KIF15: variants seen among roughly 807,000 people sequenced by gnomAD.
KIF15 encodes the protein kinesin family member 15.
KIF15 carries 140 observed loss-of-function variants against 190.6 expected under a neutral mutation model. The ratio of observed to expected loss-of-function variants is 0.73; its 90% CI spans 0.64 to 0.84. KIF15 has a LOEUF of 0.84. KIF15 is among the 40% of genes least tolerant of loss of function. KIF15 has a pLI of 0.00. For missense variants in KIF15, 1,372 were observed against 1,584.4 expected (o/e 0.87, Z 2.28); for synonymous variants, 528 against 551.3 (o/e 0.96, Z 0.59).
downstream of KIF15, among the ~76,000 whole-genome samples, chr3:44,857,117 T>C (rs1699197391): frequency 1.3e-5 from 2 of 152,144 alleles, no homozygotes; most frequent in Middle Eastern, 3.4e-3. Flanking sequence ...ATGGAGTGAA[T>C]GTCAGGTGGA....
intron 7 of KIF15, among the ~76,000 whole-genome samples, chr3:44,793,481 C>A (rs543676619): frequency 1.3e-5 from 2 of 152,298 alleles, no homozygotes; most frequent in Admixed American, 6.5e-5. Context: ...AAAACCAGTT[C>A]TAGATCCTAT....
chr3:44,805,925 C>T lies in KIF15; in HGVS notation c.1910C>T (p.Thr637Ile). Residue 637 changes from threonine to isoleucine, a missense_variant, in exon 16 of 35, where the codon ACA becomes ATA. Thr to Ile is a moderately conservative substitution (Grantham distance 89). Coordinates refer to ENST00000326047, the MANE Select transcript of KIF15 (RefSeq NM_020242.3). Reference sequence around the variant, plus strand: ...AATCTTGAAAACCTTTTGGAAGCAACAAAAGCCTGCAAGCGGCAAGAAGTT... The same window carrying T: ...AATCTTGAAAACCTTTTGGAAGCAATAAAAGCCTGCAAGCGGCAAGAAGTT... Reference protein sequence around the residue: ...NLNLENLLEATKACKRQEVSQ... With the variant: ...NLNLENLLEAIKACKRQEVSQ... The T allele has an allele frequency of 6.2e-7, 1 of 1,614,136 alleles. No individual in the cohort carries two copies.
At chr3:44,826,350 C>G (rs1188843207) in intron 21 of KIF15, 25 bp from the exon 22 acceptor site, 3 of 1,601,984 alleles carry the variant, frequency 1.9e-6, no homozygotes, top group Non-Finnish European at 2.6e-6. Flanking sequence ...GTAACAGTTA[C>G]TTAAAATCTA....
chr3:44,787,554 A>G (rs535013488), intron 7 of KIF15, among the ~76,000 whole-genome samples: 3 of 152,266 alleles, frequency 2.0e-5, no homozygotes, highest in African/African-American at 7.2e-5. Context: ...TAGGTTGTAC[A>G]TGTGACGTAG....
chr3:44,801,328 G>T, intron 11 of KIF15, 122 bp from the exon 12 acceptor site: 1 of 572,638 alleles, frequency 1.7e-6, no homozygotes, highest in East Asian at 3.1e-5. Context: ...CACTGTGCCC[G>T]GCCACAGTCT....
intron 7 of KIF15, among the ~76,000 whole-genome samples, chr3:44,786,989 G>A (rs1706438502): frequency 6.6e-6 from 1 of 152,066 alleles, no homozygotes; most frequent in Non-Finnish European, 1.5e-5. Flanking sequence ...CCTCTTGACA[G>A]GAATTTACAA....
chr3:44,805,312 G>A, intron 15 of KIF15, 144 bp downstream of exon 15: 2 of 769,070 alleles, frequency 2.6e-6, no homozygotes, highest in Non-Finnish European at 4.1e-6. Flanking sequence ...AAGAGAAAGA[G>A]CATGCTTCTA....
At chr3:44,812,083 TTTG>T (rs1707810276) in intron 17 of KIF15, 96 bp from the exon 18 acceptor site, 1 of 862,512 alleles carries the variant, frequency 1.2e-6, no homozygotes, top group Non-Finnish European at 1.9e-6. Flanking sequence ...TTGAATTTGT[TTTG>T]TTTTGTTTTG....
At chr3:44,763,167 A>G (rs917990892) in intron 1 of KIF15, among the ~76,000 whole-genome samples, 2 of 152,196 alleles carry the variant, frequency 1.3e-5, no homozygotes, top group Non-Finnish European at 2.9e-5. Flanking sequence ...ATTGAGGTTG[A>G]TGACTTCCCA....
chr3:44,860,259 G>A (rs1395586403), intron 6 of KIF15, among the ~76,000 whole-genome samples: 1 of 152,170 alleles, frequency 6.6e-6, no homozygotes, highest in Non-Finnish European at 1.5e-5. Context: ...CTTTCAGAGG[G>A]TATCATCTTT....
At chr3:44,791,317 A>G (rs887474645) in intron 7 of KIF15, among the ~76,000 whole-genome samples, 3 of 152,112 alleles carry the variant, frequency 2.0e-5, no homozygotes, top group African/African-American at 7.2e-5. Context: ...GTTGATCTAT[A>G]TGTTTCTTTT....
chr3:44,783,871 C>G (rs934512693), intron 5 of KIF15, among the ~76,000 whole-genome samples: 1 of 152,184 alleles, frequency 6.6e-6, no homozygotes, highest in Non-Finnish European at 1.5e-5. Context: ...TTAAATAGAT[C>G]TAGATCTTTT....
At chr3:44,812,115 C>T (rs780581021) in intron 17 of KIF15, 67 bp from the exon 18 acceptor site, 34 of 1,192,666 alleles carry the variant, frequency 2.9e-5, no homozygotes, top group Middle Eastern at 1.9e-4. Flanking sequence ...TTAATGCAGA[C>T]GAAATGGTGG....
chr3:44,829,496 A>G (rs180983293), intron 24 of KIF15, among the ~76,000 whole-genome samples: 10 of 133,012 alleles, frequency 7.5e-5, no homozygotes, highest in Admixed American at 4.2e-4. Context: ...TAATATATGC[A>G]TATATAATAT....
chr3:44,768,704 ACCAAT>A (rs1417870460), intron 1 of KIF15, among the ~76,000 whole-genome samples: 1 of 152,196 alleles, frequency 6.6e-6, no homozygotes, highest in Non-Finnish European at 1.5e-5. Flanking sequence ...AAGGACAAAG[ACCAAT>A]CTTAACTGCT....
intron 19 of KIF15, among the ~76,000 whole-genome samples, chr3:44,814,300 T>G (rs557518465): frequency 6.6e-6 from 1 of 152,100 alleles, no homozygotes; most frequent in Non-Finnish European, 1.5e-5. Flanking sequence ...TTTCTTATAT[T>G]AAGAGTTTTG....
intron 31 of KIF15, 28 bp downstream of exon 31, chr3:44,848,085 C>T: frequency 1.5e-6 from 2 of 1,358,476 alleles, no homozygotes; most frequent in Non-Finnish European, 2.1e-6. Flanking sequence ...GTAATAGTTT[C>T]TTCTTGTCTG....
At chr3:44,771,259 G>A (rs547910951) in intron 1 of KIF15, among the ~76,000 whole-genome samples, 1 of 152,140 alleles carries the variant, frequency 6.6e-6, no homozygotes, top group Admixed American at 6.5e-5. Flanking sequence ...ATATACTCAT[G>A]ATGGGGCCCT....
chr3:44,818,112 A>C (rs1054090201), intron 20 of KIF15, among the ~76,000 whole-genome samples: 5 of 152,158 alleles, frequency 3.3e-5, no homozygotes, highest in Admixed American at 3.3e-4. Context: ...GACTTTGCTG[A>C]AGTTGCTTAT....
Sources: allele counts gnomAD v4.1 joint callset (sites outside exome capture counted in the v4.1 genomes callset), GRCh38; gene constraint gnomAD v4.1.1; transcripts MANE v1.5; gene names NCBI Gene and HGNC (gene_info 2026-07-23, HGNC 2026-07-21).